The following CCAR1 variants were observed in gnomAD, a reference collection of about 807,000 sequenced individuals.
The protein encoded by CCAR1 is cell division cycle and apoptosis regulator 1.
Under a neutral mutation model 163.8 loss-of-function variants are expected in CCAR1, and 78 were observed. The ratio of observed to expected loss-of-function variants is 0.48; its 90% CI spans 0.40 to 0.57. The LOEUF (loss-of-function observed/expected upper bound fraction) is 0.57, where lower values mean the gene tolerates loss of function less well. Ranked by LOEUF, CCAR1 falls within the 20% of genes least tolerant of loss-of-function variation. The pLI is 0.00. For missense variants in CCAR1, 1,019 were observed against 1,365.2 expected, an observed-to-expected ratio of 0.75 and a Z score of 4.00; for synonymous variants, 443 against 460.7, an observed-to-expected ratio of 0.96 and a Z score of 0.49.
Position 68,766,099 on chromosome 10 carries a change from A to G in CCAR1, c.2298+20A>G. The G allele has an allele frequency of 6.8e-7, 1 of 1,462,442 alleles. No individual in the cohort carries two copies. The highest frequency in any genetic ancestry group is 1.1e-5 in the South Asian group (1 of 87,204). 90.6% of individuals were successfully genotyped at this position (1,462,442 alleles called of 1,614,324 possible). ...TTTGAGGTAATGTTTTAAGTTTGAA[A>G]TAAGATCCATATAAGGTCCACACAT... On this transcript the variant is annotated intron_variant, in intron 17 of 24. Transcript: ENST00000265872.
chr10:68,740,773 A>G (rs1430137248), intron 5 of CCAR1, 112 bp downstream of exon 5: 6 of 779,568 alleles, frequency 7.7e-6, no homozygotes, highest in Non-Finnish European at 1.3e-5. Flanking sequence ...GATTCACCTA[A>G]TAATTTAGGA....
intron 21 of CCAR1, 69 bp from the exon 22 acceptor site, chr10:68,787,858 A>T: frequency 6.9e-7 from 1 of 1,439,940 alleles, no homozygotes; most frequent in Non-Finnish European, 9.5e-7. Flanking sequence ...AAATTATATC[A>T]TAGTTTTTCT....
chr10:68,771,571 C>G (rs767843816), intron 18 of CCAR1, 126 bp downstream of exon 18: 12 of 919,364 alleles, frequency 1.3e-5, no homozygotes, highest in Non-Finnish European at 2.0e-5. Context: ...ATTAGAAAAT[C>G]AAGTCTTTGA....
rs1353515226 is a variant in CCAR1 at position 68,766,017 on chromosome 10, A to G, written c.2236A>G (p.Ile746Val). 2.5e-6 allele frequency: 4 copies of G among 1,613,888 alleles called. No individual in the cohort carries two copies. The African/African-American group carries it at 4.0e-5, about 16-fold the overall frequency. ...AAAAAGTGGCAAGTTTGATTGTAGC[A>G]TCATGTCTTTGAGTGTCCTATTGGA... ...AAKSGKFDCS[I>V]MSLSVLLDYR... Residue 746 changes from isoleucine (I) to valine (V), a missense_variant, in exon 17 of 25, where the codon ATC (isoleucine) becomes GTC (valine). Around this residue, in one of 4 missense-constraint regions of CCAR1, gnomAD observed 644 missense variants for 904.4 expected, o/e 0.71. Coordinates refer to ENST00000265872, the MANE Select transcript of CCAR1 (RefSeq NM_018237.4).
At chr10:68,728,822 G>A (rs1186961344) in intron 2 of CCAR1, among the ~76,000 whole-genome samples, 2 of 152,054 alleles carry the variant, frequency 1.3e-5, no homozygotes, top group Non-Finnish European at 2.9e-5. Context: ...GGGTGTGGTG[G>A]TGGGCGTCTG....
chr10:68,786,101 A>G (rs1429879652), intron 19 of CCAR1, 35 bp from the exon 20 acceptor site: 2 of 1,416,366 alleles, frequency 1.4e-6, no homozygotes, highest in Non-Finnish European at 2.0e-6. Flanking sequence ...ATGTGTATTA[A>G]TGACTTTTTT....
intron 18 of CCAR1, among the ~76,000 whole-genome samples, chr10:68,772,172 C>G (rs1486567431): frequency 6.6e-6 from 1 of 152,098 alleles, no homozygotes; most frequent in Non-Finnish European, 1.5e-5. Context: ...AGCCACCGCA[C>G]CCAGCCTAAT....
chr10:68,789,351 G>C (rs1418895400), intron 23 of CCAR1, among the ~76,000 whole-genome samples: 1 of 151,790 alleles, frequency 6.6e-6, no homozygotes, highest in Non-Finnish European at 1.5e-5. Context: ...CAGCACTTTG[G>C]GAGGCCGAGG....
chr10:68,785,054 A>G (rs1396776923), intron 19 of CCAR1, among the ~76,000 whole-genome samples: 1 of 150,390 alleles, frequency 6.6e-6, no homozygotes, highest in African/African-American at 2.5e-5. Context: ...AGTAGCTGGG[A>G]CTACAGACGC....
intron 16 of CCAR1, among the ~76,000 whole-genome samples, chr10:68,764,503 C>G (rs574919079): frequency 6.6e-6 from 1 of 152,036 alleles, no homozygotes; most frequent in East Asian, 1.9e-4. Context: ...CCACTACTCT[C>G]TAGCCAGGGT....
At chr10:68,735,013 A>G (rs1053963360) in intron 2 of CCAR1, among the ~76,000 whole-genome samples, 1 of 152,156 alleles carries the variant, frequency 6.6e-6, no homozygotes, top group Non-Finnish European at 1.5e-5. Context: ...TACATGGTGA[A>G]TTGTTTTTTA....
intron 19 of CCAR1, among the ~76,000 whole-genome samples, chr10:68,784,868 T>A (rs566433088): frequency 5.3e-5 from 8 of 152,058 alleles, no homozygotes; most frequent in Non-Finnish European, 7.4e-5. Flanking sequence ...TGTACTTTTT[T>A]AAGGCATAAT....
chr10:68,789,462 G>A (rs552719626), intron 23 of CCAR1, among the ~76,000 whole-genome samples: 103 of 151,886 alleles, frequency 6.8e-4, no homozygotes, highest in African/African-American at 2.0e-3. Context: ...GGTGGTACGC[G>A]CCTGTAATCC....
chr10:68,724,536 C>T (rs750998367), intron 2 of CCAR1, among the ~76,000 whole-genome samples: 1 of 152,052 alleles, frequency 6.6e-6, no homozygotes, highest in Non-Finnish European at 1.5e-5. Context: ...GCGATCCTCC[C>T]ATCTTGGCCT....
intron 2 of CCAR1, among the ~76,000 whole-genome samples, chr10:68,736,612 A>G (rs901178708): frequency 8.5e-5 from 13 of 152,140 alleles, no homozygotes; most frequent in African/African-American, 2.7e-4. Flanking sequence ...TTCACTTAAC[A>G]TAATGTCCTT....
At chr10:68,776,166 T>C (rs953994202) in intron 19 of CCAR1, among the ~76,000 whole-genome samples, 9 of 152,164 alleles carry the variant, frequency 5.9e-5, no homozygotes. Flanking sequence ...TCCTTTAATG[T>C]TGGTTTCATC....
chr10:68,783,301 T>C (rs981430877), intron 19 of CCAR1, among the ~76,000 whole-genome samples: 6 of 151,998 alleles, frequency 3.9e-5, no homozygotes, highest in South Asian at 2.1e-4. Context: ...GCCATTCTCC[T>C]GTCTCAGCCT....
chr10:68,724,607 G>A lies in CCAR1; in HGVS notation c.73+2030G>A, dbSNP rs561185963. ...GACTAGCCAGTTGTTTGAATTTAAA[G>A]TTGAAAAACTACATTCAAAAAAAAA... On this transcript the variant is annotated intron_variant, in intron 2 of 24. Transcript: ENST00000265872. 9.7e-4 allele frequency among the ~76,000 whole-genome samples: 148 copies of A among 151,798 alleles called. No individual in the cohort carries two copies. The Middle Eastern group carries it at 0.01, about 10-fold the overall frequency.
At chr10:68,767,173 C>T (rs2056546420) in intron 17 of CCAR1, among the ~76,000 whole-genome samples, 1 of 151,962 alleles carries the variant, frequency 6.6e-6, no homozygotes, top group African/African-American at 2.4e-5. Context: ...CATTTAATAC[C>T]ATTTAAAGAG....
Sources: gnomAD v4.1 joint callset for allele counts (sites outside exome capture counted in the v4.1 genomes callset) on GRCh38, gnomAD v4.1.1 for gene constraint, gnomAD v4.1.1 regional missense constraint, MANE v1.5 for transcripts, NCBI Gene and HGNC (gene_info 2026-07-23, HGNC 2026-07-21) for gene names.